ARHGAP22: variants seen among roughly 807,000 people sequenced by gnomAD.
ARHGAP22 encodes rho GTPase-activating protein 22.
ARHGAP22 carries 48 observed loss-of-function variants against 59.1 expected under a neutral mutation model. The observed-to-expected ratio is 0.81, with a 90% CI of 0.64 to 1.03. The LOEUF is 1.03. Ranked by LOEUF, ARHGAP22 falls within the 50% of genes least tolerant of loss-of-function variation. The pLI is 0.00. For missense variants in ARHGAP22, 1,015 were observed against 958.7 expected, an observed-to-expected ratio of 1.06 and a Z score of -0.78; for synonymous variants, 445 against 416.4, an observed-to-expected ratio of 1.07 and a Z score of -0.84.
chr10:48,615,271 A>T (rs2061036874), intron 1 of ARHGAP22, among the ~76,000 whole-genome samples: 2 of 152,232 alleles, frequency 1.3e-5, no homozygotes, highest in Admixed American at 1.3e-4. Context: ...ACACACCCAC[A>T]CAGCAAAAAT....
intron 1 of ARHGAP22, among the ~76,000 whole-genome samples, chr10:48,611,018 G>A (rs1678431486): frequency 6.6e-6 from 1 of 152,178 alleles, no homozygotes; most frequent in South Asian, 2.1e-4. Flanking sequence ...TGTAAATGTT[G>A]GATTCATGGA....
intron 3 of ARHGAP22, among the ~76,000 whole-genome samples, chr10:48,499,387 T>A (rs765661535): frequency 1.3e-5 from 2 of 152,208 alleles, no homozygotes; most frequent in Non-Finnish European, 2.9e-5. Flanking sequence ...CTCACCAGTC[T>A]AAGGGGAAAT....
At chr10:48,513,495 C>T (rs149233615) in intron 3 of ARHGAP22, among the ~76,000 whole-genome samples, 1 of 152,342 alleles carries the variant, frequency 6.6e-6, no homozygotes, top group Non-Finnish European at 1.5e-5. Context: ...CAAACACACT[C>T]TCCTCAAAGG....
In ARHGAP22 at chr10:48,578,750, T is replaced by A. The variant is rs77489189; in HGVS notation, c.234+4203A>T. Among the ~76,000 whole-genome samples, 8 of 152,264 alleles carry A rather than the reference T, an allele frequency of 5.3e-5. No individual in the cohort carries two copies. In the East Asian group the frequency reaches 1.5e-3, roughly 29 times the overall value. On this transcript the variant is annotated intron_variant, in intron 2 of 9. Coordinates refer to ENST00000249601, the MANE Select transcript of ARHGAP22 (RefSeq NM_021226.4). ...TTATGTCTTCCTCAAAGCTATGGCA[T>A]TAGGAGCATAAAAGTTCACAGCTGC...
At chr10:48,530,693 G>A (rs1349210412) in intron 3 of ARHGAP22, among the ~76,000 whole-genome samples, 6 of 152,130 alleles carry the variant, frequency 3.9e-5, no homozygotes, top group Admixed American at 1.3e-4. Flanking sequence ...AATGATCAGG[G>A]AAATGCAAAT....
intron 9 of ARHGAP22, among the ~76,000 whole-genome samples, chr10:48,448,098 G>A (rs192218244): frequency 5.3e-4 from 81 of 152,298 alleles, no homozygotes; most frequent in African/African-American, 1.9e-3. Context: ...ACCCTCCAGC[G>A]GCTTCTCACT....
chr10:48,627,377 G>A (rs2061488708), intron 1 of ARHGAP22, among the ~76,000 whole-genome samples: 1 of 152,158 alleles, frequency 6.6e-6, no homozygotes, highest in South Asian at 2.1e-4. Flanking sequence ...TAACCAGTGT[G>A]GTCTGCACTA....
chr10:48,523,899 G>A (rs919563789), intron 3 of ARHGAP22, among the ~76,000 whole-genome samples: 1 of 152,072 alleles, frequency 6.6e-6, no homozygotes, highest in African/African-American at 2.4e-5. Flanking sequence ...CCAAAGTTAG[G>A]AGACTCAGAG....
chr10:48,605,890 G>T (rs1277970609), upstream of ARHGAP22, among the ~76,000 whole-genome samples: 1 of 152,050 alleles, frequency 6.6e-6, no homozygotes, highest in Non-Finnish European at 1.5e-5. Flanking sequence ...GCAGCAGGGC[G>T]GGCACCAGAA....
intron 3 of ARHGAP22, among the ~76,000 whole-genome samples, chr10:48,553,207 G>T (rs559089602): frequency 6.6e-6 from 1 of 152,370 alleles, no homozygotes; most frequent in East Asian, 1.9e-4. Flanking sequence ...TGCAAAGGCT[G>T]ACTGGACCGC....
intron 1 of ARHGAP22, among the ~76,000 whole-genome samples, chr10:48,587,711 A>C (rs1190614857): frequency 3.3e-5 from 5 of 152,146 alleles, no homozygotes; most frequent in Non-Finnish European, 7.4e-5. Flanking sequence ...GAAGTCATGG[A>C]ATGTTCTAGA....
chr10:48,566,303 A>G (rs1564894945), intron 2 of ARHGAP22, among the ~76,000 whole-genome samples: 1 of 152,116 alleles, frequency 6.6e-6, no homozygotes, highest in African/African-American at 2.4e-5. Flanking sequence ...TATCCACCTG[A>G]CACCCAACCA....
At chr10:48,489,002 T>C (rs1039623284) in intron 3 of ARHGAP22, among the ~76,000 whole-genome samples, 1 of 152,162 alleles carries the variant, frequency 6.6e-6, no homozygotes, top group Non-Finnish European at 1.5e-5. Context: ...GGGGCACATG[T>C]AGGGAATCAC....
chr10:48,554,061 T>A (rs1375436941), intron 3 of ARHGAP22, among the ~76,000 whole-genome samples: 4 of 152,228 alleles, frequency 2.6e-5, no homozygotes, highest in African/African-American at 9.7e-5. Flanking sequence ...TACCCCAGGA[T>A]CCCTTTGTTA....
chr10:48,450,764 G>A lies in ARHGAP22; in HGVS notation c.1365C>T (p.Ser455=). The change falls in exon 9 of 10, where the codon TCC becomes TCT. Residue 455 remains serine (S), a synonymous_variant. Coordinates refer to ENST00000249601, the MANE Select transcript of ARHGAP22 (RefSeq NM_021226.4). The part of the protein sequence containing the change: ...GGSSLEVPII[S]SGGNWLMNGL... ...CGTTCATAAGCCAGTTCCCGCCGGA[G>A]GAGATGATGGGCACCTCCAGGGATG... 1 of 1,563,728 alleles carries A rather than the reference G, an allele frequency of 6.4e-7. No homozygotes were observed. Among genetic ancestry groups the A allele is most frequent in the Non-Finnish European group, 8.7e-7 (1 of 1,154,364 alleles).
At chr10:48,637,884 A>G (rs137984720) in intron 1 of ARHGAP22, among the ~76,000 whole-genome samples, 1 of 152,296 alleles carries the variant, frequency 6.6e-6, no homozygotes, top group East Asian at 1.9e-4. Context: ...GCTGGCATCA[A>G]CTTACCTTCT....
At chr10:48,442,895 G>T (rs2045235239), downstream of ARHGAP22, among the ~76,000 whole-genome samples, 1 of 152,172 alleles carries the variant, frequency 6.6e-6, no homozygotes, top group African/African-American at 2.4e-5. Context: ...AAACCATTGG[G>T]TTAAGACCCA....
chr10:48,451,673 C>A, intron 8 of ARHGAP22: 1 of 640,714 alleles, frequency 1.6e-6, no homozygotes, highest in Non-Finnish European at 2.8e-6. Context: ...AAAATACCCC[C>A]CACAATCACA....
intron 3 of ARHGAP22, among the ~76,000 whole-genome samples, chr10:48,491,131 GCT>G (rs2050348847): frequency 6.6e-6 from 1 of 151,848 alleles, no homozygotes; most frequent in Non-Finnish European, 1.5e-5. Context: ...CCCAACCCCT[GCT>G]CAACATCCCC....
Sources: gnomAD v4.1 joint callset for allele counts (sites outside exome capture counted in the v4.1 genomes callset) on GRCh38, gnomAD v4.1.1 for gene constraint, MANE v1.5 for transcripts, NCBI Gene and HGNC (gene_info 2026-07-23, HGNC 2026-07-21) for gene names.